Variants in ASCC3 observed in about 807,000 individuals in gnomAD.
ASCC3 encodes the protein activating signal cointegrator 1 complex subunit 3.
ASCC3 carries 158 observed loss-of-function variants against 256.3 expected under a neutral mutation model. The ratio of observed to expected loss-of-function variants is 0.62; its 90% CI spans 0.54 to 0.70. The LOEUF (loss-of-function observed/expected upper bound fraction) is 0.70. Among genes scored for constraint, ASCC3 ranks in the 30% least tolerant of loss-of-function variants. The pLI, the probability that ASCC3 is intolerant of heterozygous loss-of-function variation, is 0.00. For missense variants in ASCC3, 2,259 were observed against 2,626.0 expected (o/e 0.86, Z 3.05); for synonymous variants, 948 against 883.4 (o/e 1.07, Z -1.30).
At chr6:100,653,509 G>A (rs1024222502) in intron 17 of ASCC3, among the ~76,000 whole-genome samples, 24 of 151,634 alleles carry the variant, frequency 1.6e-4, no homozygotes, top group Admixed American at 1.2e-3. Flanking sequence ...ATGGTGGTGC[G>A]CGCCTGTAAT....
intron 36 of ASCC3, among the ~76,000 whole-genome samples, chr6:100,588,039 G>A (rs1372893874): frequency 6.6e-6 from 1 of 152,098 alleles, no homozygotes; most frequent in Non-Finnish European, 1.5e-5. Context: ...GTGCATGTGT[G>A]CATATGTGTA....
intron 25 of ASCC3, 80 bp from the exon 26 acceptor site, chr6:100,631,293 T>C (rs1774531396): frequency 2.6e-6 from 3 of 1,150,926 alleles, no homozygotes; most frequent in South Asian, 2.6e-5. Context: ...TCCAAAAAAT[T>C]TGTCAAAATA....
chr6:100,685,864 C>G (rs944088847), intron 13 of ASCC3, among the ~76,000 whole-genome samples: 1 of 152,190 alleles, frequency 6.6e-6, no homozygotes, highest in Admixed American at 6.5e-5. Flanking sequence ...TAGTTAGACA[C>G]TACAAGTCAC....
At chr6:100,595,224 T>G (rs1772227206) in intron 34 of ASCC3, among the ~76,000 whole-genome samples, 1 of 152,206 alleles carries the variant, frequency 6.6e-6, no homozygotes, top group South Asian at 2.1e-4. Flanking sequence ...AAAGAAATGA[T>G]AAGCATGTGA....
At chr6:100,871,256 C>T (rs141959644) in intron 1 of ASCC3, among the ~76,000 whole-genome samples, 4,175 of 152,044 alleles carry the variant, frequency 0.027, 198 homozygotes, top group African/African-American at 0.096. Flanking sequence ...CCACCACGCC[C>T]GGCTAATTTT....
At chr6:100,697,875 T>C (rs1459198965) in intron 13 of ASCC3, among the ~76,000 whole-genome samples, 2 of 152,082 alleles carry the variant, frequency 1.3e-5, no homozygotes, top group African/African-American at 4.8e-5. Flanking sequence ...TTCACTACTA[T>C]CAACAAAGAA....
intron 10 of ASCC3, among the ~76,000 whole-genome samples, chr6:100,731,931 G>T (rs1036496529): frequency 2.6e-5 from 4 of 152,146 alleles, no homozygotes; most frequent in African/African-American, 9.7e-5. Flanking sequence ...GGAGGCCAAG[G>T]TGGGCAGATA....
At chr6:100,761,546 A>C (rs1229188345) in intron 10 of ASCC3, among the ~76,000 whole-genome samples, 5 of 152,198 alleles carry the variant, frequency 3.3e-5, no homozygotes, top group African/African-American at 4.8e-5. Context: ...ATCTATTTCC[A>C]GCAAAAATGT....
chr6:100,743,397 A>G (rs566377411), intron 10 of ASCC3, among the ~76,000 whole-genome samples: 40 of 152,092 alleles, frequency 2.6e-4, no homozygotes, highest in Non-Finnish European at 4.7e-4. Context: ...TTTCGGCCAT[A>G]AGCTGATTCT....
At chr6:100,534,996 G>A (rs1775091859) in intron 37 of ASCC3, among the ~76,000 whole-genome samples, 1 of 152,146 alleles carries the variant, frequency 6.6e-6, no homozygotes, top group Non-Finnish European at 1.5e-5. Flanking sequence ...TAAGAATGAA[G>A]ATACTAAGAC....
intron 13 of ASCC3, among the ~76,000 whole-genome samples, chr6:100,680,465 T>C (rs900087311): frequency 7.9e-5 from 12 of 152,190 alleles, no homozygotes; most frequent in Non-Finnish European, 4.4e-5. Context: ...TTCTTTCCTC[T>C]GTAAGTTTCT....
intron 37 of ASCC3, among the ~76,000 whole-genome samples, chr6:100,521,069 A>C (rs536041562): frequency 6.6e-6 from 1 of 152,306 alleles, no homozygotes; most frequent in Admixed American, 6.5e-5. Context: ...GTAAAAATCT[A>C]ATTACAGTGA....
At chr6:100,700,132 C>G (rs1447713101) in intron 13 of ASCC3, among the ~76,000 whole-genome samples, 1 of 152,036 alleles carries the variant, frequency 6.6e-6, no homozygotes, top group African/African-American at 2.4e-5. Flanking sequence ...GGCAGCCCAA[C>G]CCATCACAGG....
Position 100,549,157 on chromosome 6 carries a change from G to A in ASCC3, c.5551-8770C>T, listed in dbSNP as rs1258209616. On this transcript the variant is annotated intron_variant, in intron 36 of 41. Transcript: ENST00000369162. Reference sequence around the variant, plus strand: ...CTGCTGTATACAAAGGCCCTCTAATGAGAGGAAAAATGGTGAGTCCACGAG... The same window carrying A: ...CTGCTGTATACAAAGGCCCTCTAATAAGAGGAAAAATGGTGAGTCCACGAG... 5.9e-5 allele frequency among the ~76,000 whole-genome samples: 9 copies of A among 151,838 alleles called. No individual in the cohort carries two copies. In the South Asian group the frequency reaches 8.3e-4, roughly 14 times the overall value.
intron 36 of ASCC3, among the ~76,000 whole-genome samples, chr6:100,577,170 A>G (rs1770914624): frequency 6.6e-6 from 1 of 152,062 alleles, no homozygotes; most frequent in African/African-American, 2.4e-5. Flanking sequence ...ATCACACCAA[A>G]TATGACAAGC....
intron 4 of ASCC3, among the ~76,000 whole-genome samples, chr6:100,844,343 C>T (rs1431519270): frequency 6.6e-6 from 1 of 151,394 alleles, no homozygotes. Context: ...AGAAGAAAGC[C>T]TGGTTCGGGT....
intron 8 of ASCC3, among the ~76,000 whole-genome samples, chr6:100,773,170 T>C (rs1168964517): frequency 6.6e-6 from 1 of 152,200 alleles, no homozygotes; most frequent in Non-Finnish European, 1.5e-5. Flanking sequence ...TTTAATTAGA[T>C]AATATTTATA....
rs537152538 is a variant in ASCC3, at chr6:100,569,997, C to A, written c.5550+19637G>T. ...AAGTTCTCCTCATAGAGTTCTTTCA[C>A]CCCCTTGGTTAGATGTATTCCCAGG... On this transcript the variant is annotated intron_variant, in intron 36 of 41. Transcript: ENST00000369162. Among the ~76,000 whole-genome samples, 9 of 152,202 alleles carry A rather than the reference C, an allele frequency of 5.9e-5. No homozygotes were observed. The South Asian group carries it at 1.2e-3, about 21-fold the overall frequency.
At chr6:100,697,698 A>G (rs544634868) in intron 13 of ASCC3, among the ~76,000 whole-genome samples, 34 of 152,204 alleles carry the variant, frequency 2.2e-4, no homozygotes, top group African/African-American at 7.5e-4. Flanking sequence ...GCATACTTAC[A>G]TACCTAGGAT....
Sources: gnomAD v4.1 joint callset for allele counts (sites outside exome capture counted in the v4.1 genomes callset) on GRCh38, gnomAD v4.1.1 for gene constraint, MANE v1.5 for transcripts, NCBI Gene and HGNC (gene_info 2026-07-23, HGNC 2026-07-21) for gene names.